Variants in ADAM12 observed in about 807,000 individuals in gnomAD.
ADAM12 encodes ADAM metallopeptidase domain 12.
In ADAM12, 70 loss-of-function variants were observed where a neutral mutation model predicts 106.4. The ratio of observed to expected loss-of-function variants is 0.66; its 90% CI spans 0.54 to 0.80. The LOEUF (loss-of-function observed/expected upper bound fraction) is 0.80. ADAM12 is among the 30% of genes least tolerant of loss of function. ADAM12 has a pLI of 0.00. For synonymous variants in ADAM12, 420 were observed against 433.5 expected, an observed-to-expected ratio of 0.97 and a Z score of 0.39; for missense variants, 1,010 against 1,171.9, an observed-to-expected ratio of 0.86 and a Z score of 2.02.
intron 3 of ADAM12, among the ~76,000 whole-genome samples, chr10:126,185,490 T>C (rs1033343910): frequency 6.6e-6 from 1 of 152,152 alleles, no homozygotes; most frequent in African/African-American, 2.4e-5. Context: ...CTGTTTTTTT[T>C]TTTGGATAGA....
At chr10:126,311,758 G>A (rs1424771648) in intron 2 of ADAM12, among the ~76,000 whole-genome samples, 1 of 152,092 alleles carries the variant, frequency 6.6e-6, no homozygotes, top group East Asian at 1.9e-4. Flanking sequence ...ACTCCACGGG[G>A]ACAGCAGCTC....
chr10:126,072,807 G>A (rs1955024122), intron 11 of ADAM12, among the ~76,000 whole-genome samples: 1 of 152,122 alleles, frequency 6.6e-6, no homozygotes, highest in Admixed American at 6.5e-5. Context: ...GAGGGAGCAG[G>A]GGCTGCTGTC....
intron 3 of ADAM12, among the ~76,000 whole-genome samples, chr10:126,251,905 A>AAAT (rs1565168805): frequency 1.5e-4 from 1 of 6,526 alleles, no homozygotes; most frequent in Non-Finnish European, 3.3e-4. Flanking sequence ...TGGGATGGAT[A>AAAT]GGATGGATGG....
At chr10:126,387,604 C>G (rs1411333946) in intron 1 of ADAM12, among the ~76,000 whole-genome samples, 1 of 151,946 alleles carries the variant, frequency 6.6e-6, no homozygotes, top group Non-Finnish European at 1.5e-5. Flanking sequence ...GCTGCGCGCC[C>G]CCCTAAGTGT....
chr10:126,175,848 A>G (rs1483948682), intron 3 of ADAM12, among the ~76,000 whole-genome samples: 2 of 152,156 alleles, frequency 1.3e-5, no homozygotes, highest in African/African-American at 4.8e-5. Flanking sequence ...ACCACTCTGG[A>G]CTTCCCTGGG....
At chr10:126,204,953 A>T (rs1213293159) in intron 3 of ADAM12, among the ~76,000 whole-genome samples, 2 of 152,228 alleles carry the variant, frequency 1.3e-5, no homozygotes, top group South Asian at 2.1e-4. Context: ...GTTTGCCAAG[A>T]GTAACCCCAG....
chr10:126,355,499 G>A (rs1041484232), intron 1 of ADAM12, among the ~76,000 whole-genome samples: 1 of 152,210 alleles, frequency 6.6e-6, no homozygotes, highest in African/African-American at 2.4e-5. Context: ...TGAGAGACCT[G>A]CCTAGACTAC....
chr10:126,387,969 G>A, intron 1 of ADAM12, 89 bp downstream of exon 1: 1 of 1,173,440 alleles, frequency 8.5e-7, no homozygotes, highest in Non-Finnish European at 1.1e-6. Flanking sequence ...GTCGCCCCTC[G>A]GGGCAGCCCT....
At chr10:126,086,680 A>AAAAAAAATATATATATATATATAT (rs1554966976) in intron 11 of ADAM12, among the ~76,000 whole-genome samples, 2 of 24,266 alleles carry the variant, frequency 8.2e-5, no homozygotes, top group African/African-American at 3.3e-4. Flanking sequence ...AAAAAAAAAA[A>AAAAAAAATATATATATATATATAT]ATATATATAT....
At chr10:126,306,474 G>A (rs1195882311) in intron 2 of ADAM12, among the ~76,000 whole-genome samples, 3 of 152,024 alleles carry the variant, frequency 2.0e-5, no homozygotes, top group African/African-American at 4.8e-5. Context: ...ACATTCTTAT[G>A]CTCTTTCTAT....
chr10:126,211,723 A>C (rs1271108552), intron 3 of ADAM12, among the ~76,000 whole-genome samples: 1 of 152,122 alleles, frequency 6.6e-6, no homozygotes, highest in Non-Finnish European at 1.5e-5. Flanking sequence ...GGACCATGTG[A>C]TGCTGAATCC....
chr10:126,325,601 T>C lies in ADAM12; in HGVS notation c.186+4811A>G, dbSNP rs115987333. 3.2e-3 allele frequency among the ~76,000 whole-genome samples: 494 copies of C among 152,342 alleles called. 6 individuals are homozygous for C. The highest frequency in any genetic ancestry group is 0.011 in the African/African-American group (471 of 41,570). ...GGTTTGCCTTCCATTTTCCATTTCTTATACTCTTTCTGTAACTTCATTCTC... is the reference window on the plus strand; with the variant it reads ...GGTTTGCCTTCCATTTTCCATTTCTCATACTCTTTCTGTAACTTCATTCTC... On this transcript the variant is annotated intron_variant, in intron 2 of 22. Transcript: ENST00000448723.
At chr10:126,271,343 T>A (rs1959174517) in intron 3 of ADAM12, among the ~76,000 whole-genome samples, 1 of 152,232 alleles carries the variant, frequency 6.6e-6, no homozygotes, top group South Asian at 2.1e-4. Context: ...TAACATTTCT[T>A]AACTACTTAC....
chr10:126,124,372 T>G (rs907629699), intron 5 of ADAM12, among the ~76,000 whole-genome samples: 8 of 151,940 alleles, frequency 5.3e-5, no homozygotes, highest in Non-Finnish European at 1.0e-4. Flanking sequence ...GTGGCAGCAG[T>G]ATTACTTAAC....
chr10:126,060,273 C>T (rs190731881), intron 14 of ADAM12, among the ~76,000 whole-genome samples: 28 of 152,250 alleles, frequency 1.8e-4, no homozygotes, highest in Admixed American at 1.2e-3. Flanking sequence ...TGAAATATAA[C>T]GCCAGATTGA....
At chr10:126,298,180 A>G (rs1289106456) in intron 2 of ADAM12, among the ~76,000 whole-genome samples, 4 of 152,086 alleles carry the variant, frequency 2.6e-5, no homozygotes, top group Admixed American at 2.6e-4. Context: ...TCCAAAAATA[A>G]CCAGGCATAA....
chr10:126,373,341 G>A (rs547000499), intron 1 of ADAM12, among the ~76,000 whole-genome samples: 1 of 152,272 alleles, frequency 6.6e-6, no homozygotes, highest in African/African-American at 2.4e-5. Flanking sequence ...GATGGGAACA[G>A]CTGATGGCTT....
chr10:126,210,763 G>A (rs960167464), intron 3 of ADAM12, among the ~76,000 whole-genome samples: 1 of 152,154 alleles, frequency 6.6e-6, no homozygotes, highest in African/African-American at 2.4e-5. Context: ...GGAGAGCAGA[G>A]GGCTGGGTTG....
chr10:126,195,322 C>T (rs1366634863), intron 3 of ADAM12, among the ~76,000 whole-genome samples: 2 of 152,128 alleles, frequency 1.3e-5, no homozygotes, highest in Non-Finnish European at 1.5e-5. Flanking sequence ...TGTGTATAAT[C>T]CCAGCACCTT....
Sources: allele counts gnomAD v4.1 joint callset (sites outside exome capture counted in the v4.1 genomes callset), GRCh38; gene constraint gnomAD v4.1.1; transcripts MANE v1.5; gene names NCBI Gene and HGNC (gene_info 2026-07-23, HGNC 2026-07-21).